ABHD12: variants seen among roughly 807,000 people sequenced by gnomAD.
The protein encoded by ABHD12 is abhydrolase domain containing 12, lysophospholipase.
A neutral mutation model predicts 58.3 loss-of-function variants in ABHD12; 43 were observed. That is an observed-to-expected ratio of 0.74 (90% CI 0.58 to 0.95). The LOEUF (loss-of-function observed/expected upper bound fraction) is 0.95. Among genes scored for constraint, ABHD12 ranks in the 40% least tolerant of loss-of-function variants. The pLI, the probability that ABHD12 is intolerant of heterozygous loss-of-function variation, is 0.00. For synonymous variants in ABHD12, 219 were observed against 211.2 expected, an observed-to-expected ratio of 1.04 and a Z score of -0.32; for missense variants, 539 against 537.2, an observed-to-expected ratio of 1.00 and a Z score of -0.03.
chr20:25,382,221 C>G (rs943815221), intron 1 of ABHD12, among the ~76,000 whole-genome samples: 1 of 152,192 alleles, frequency 6.6e-6, no homozygotes, highest in African/African-American at 2.4e-5. Flanking sequence ...AATCACAATA[C>G]AAAGGGGCTG....
intron 2 of ABHD12, among the ~76,000 whole-genome samples, chr20:25,329,639 A>T (rs901594898): frequency 1.3e-5 from 2 of 152,218 alleles, no homozygotes; most frequent in African/African-American, 4.8e-5. Context: ...GGAAAGGCTG[A>T]AACTTACTGA....
chr20:25,340,755 CT>C (rs1568743339), intron 1 of ABHD12, among the ~76,000 whole-genome samples: 1 of 152,206 alleles, frequency 6.6e-6, no homozygotes, highest in African/African-American at 2.4e-5. Flanking sequence ...AGACTGTATA[CT>C]ATATAATTCC....
At chr20:25,322,035 G>A (rs533039001) in intron 3 of ABHD12, among the ~76,000 whole-genome samples, 3 of 152,172 alleles carry the variant, frequency 2.0e-5, no homozygotes, top group Admixed American at 6.5e-5. Flanking sequence ...AGTGGAAAGC[G>A]ACGTTATGGC....
chr20:25,386,027 G>A (rs1189641403), intron 1 of ABHD12, among the ~76,000 whole-genome samples: 1 of 151,686 alleles, frequency 6.6e-6, no homozygotes, highest in Non-Finnish European at 1.5e-5. Flanking sequence ...CGTGAACCCG[G>A]GAGGCAAAGC....
intron 1 of ABHD12, among the ~76,000 whole-genome samples, chr20:25,378,524 A>C (rs1234833075): frequency 6.6e-6 from 1 of 152,130 alleles, no homozygotes; most frequent in Non-Finnish European, 1.5e-5. Flanking sequence ...GAGGAGAAAA[A>C]AATAGTTGAA....
chr20:25,312,712 G>A (rs1358976722), intron 6 of ABHD12, among the ~76,000 whole-genome samples: 1 of 151,580 alleles, frequency 6.6e-6, no homozygotes, highest in Non-Finnish European at 1.5e-5. Context: ...CTTCCCGGCC[G>A]CCATCCCATC....
intron 1 of ABHD12, among the ~76,000 whole-genome samples, chr20:25,366,984 G>A (rs1461813535): frequency 6.6e-6 from 1 of 151,820 alleles, no homozygotes; most frequent in Non-Finnish European, 1.5e-5. Context: ...ATATACCCTT[G>A]GTACGAGATC....
At chr20:25,326,990 C>T (rs1229668097) in intron 2 of ABHD12, among the ~76,000 whole-genome samples, 1 of 152,196 alleles carries the variant, frequency 6.6e-6, no homozygotes, top group African/African-American at 2.4e-5. Context: ...CTTTGCCATG[C>T]AAGCCGTGGA....
intron 2 of ABHD12, among the ~76,000 whole-genome samples, chr20:25,334,724 A>T (rs1369775683): frequency 4.6e-5 from 7 of 150,768 alleles, no homozygotes; most frequent in African/African-American, 1.7e-4. Flanking sequence ...CTATTTAATA[A>T]ATGGTGCTGG....
Position 25,300,763 on chromosome 20 carries a change from G to T in ABHD12, c.*82C>A. 6.2e-7 allele frequency: 1 copy of T among 1,610,582 alleles called. No individual in the cohort carries two copies. The highest frequency in any genetic ancestry group is 8.5e-7 in the Non-Finnish European group (1 of 1,178,766). ...TGAGCATTGCAGGTGCCGGCCCCCC[G>T]GGGCTTCAGGATACCGGGCTGCTGA... is the stretch of plus-strand genomic sequence containing the variant. On this transcript the variant is annotated 3_prime_UTR_variant, in exon 13 of 13. Coordinates refer to ENST00000339157, the MANE Select transcript of ABHD12 (RefSeq NM_001042472.3).
chr20:25,321,020 T>C (rs950916784), intron 3 of ABHD12, among the ~76,000 whole-genome samples: 1 of 152,216 alleles, frequency 6.6e-6, no homozygotes, highest in African/African-American at 2.4e-5. Context: ...TTATTCAAAT[T>C]CATTCTGGAT....
intron 1 of ABHD12, among the ~76,000 whole-genome samples, chr20:25,359,396 C>G (rs978466400): frequency 3.2e-4 from 44 of 137,226 alleles, no homozygotes; most frequent in African/African-American, 1.1e-3. Flanking sequence ...TGCACTCCCG[C>G]CTGGGCCACA....
intron 2 of ABHD12, 144 bp downstream of exon 2, chr20:25,339,083 T>C: frequency 6.9e-7 from 1 of 1,441,124 alleles, no homozygotes; most frequent in Non-Finnish European, 9.4e-7. Flanking sequence ...TATAGGTATA[T>C]AAACTGTACA....
At chr20:25,321,700 T>C (rs952804417) in intron 3 of ABHD12, among the ~76,000 whole-genome samples, 4 of 152,196 alleles carry the variant, frequency 2.6e-5, no homozygotes, top group Non-Finnish European at 4.4e-5. Flanking sequence ...CCTCCTGCAA[T>C]AGGACAGACT....
At chr20:25,348,205 G>C (rs1317961748) in intron 1 of ABHD12, among the ~76,000 whole-genome samples, 5 of 150,182 alleles carry the variant, frequency 3.3e-5, no homozygotes, top group Admixed American at 2.0e-4. Flanking sequence ...GCAAGACTCT[G>C]TCTCAAAAAA....
At chr20:25,383,810 C>A (rs955350045) in intron 1 of ABHD12, among the ~76,000 whole-genome samples, 1 of 152,012 alleles carries the variant, frequency 6.6e-6, no homozygotes, top group Non-Finnish European at 1.5e-5. Flanking sequence ...AAAAAATTAG[C>A]CAGGTATGGT....
At chr20:25,362,766 C>A (rs2146090173) in intron 1 of ABHD12, among the ~76,000 whole-genome samples, 1 of 151,846 alleles carries the variant, frequency 6.6e-6, no homozygotes, top group East Asian at 2.0e-4. Context: ...CTTCCAACTC[C>A]CGGGTTCAAG....
chr20:25,335,251 A>T (rs535796160), intron 2 of ABHD12, among the ~76,000 whole-genome samples: 1 of 152,332 alleles, frequency 6.6e-6, no homozygotes, highest in Non-Finnish European at 1.5e-5. Flanking sequence ...TCAAAACCAC[A>T]ATGAGATACC....
intron 7 of ABHD12, 88 bp from the exon 8 acceptor site, chr20:25,308,582 C>G: frequency 6.8e-7 from 1 of 1,468,512 alleles, no homozygotes; most frequent in South Asian, 1.2e-5. Flanking sequence ...CTCAGAGGAG[C>G]CATGGGGTCT....
Sources: allele counts gnomAD v4.1 joint callset (sites outside exome capture counted in the v4.1 genomes callset), GRCh38; gene constraint gnomAD v4.1.1; transcripts MANE v1.5; gene names NCBI Gene and HGNC (gene_info 2026-07-23, HGNC 2026-07-21).